The following OSBPL6 variants were observed in gnomAD, a reference collection of about 807,000 sequenced individuals.
OSBPL6 encodes the protein oxysterol binding protein like 6.
A neutral mutation model predicts 125.8 loss-of-function variants in OSBPL6; 49 were observed. The observed-to-expected ratio is 0.39, with a 90% CI of 0.31 to 0.49. The LOEUF (loss-of-function observed/expected upper bound fraction) is 0.49, where lower values mean the gene tolerates loss of function less well. OSBPL6 is among the 20% of genes least tolerant of loss of function. The probability of loss-of-function intolerance (pLI) is 0.88; values close to 1 mark genes in which losing one functional copy is unlikely to be tolerated. For missense variants in OSBPL6, 986 were observed against 1,135.4 expected (o/e 0.87, Z 1.89); for synonymous variants, 394 against 391.8 (o/e 1.01, Z -0.07).
chr2:178,254,237 C>G (rs940876469), intron 1 of OSBPL6, among the ~76,000 whole-genome samples: 3 of 151,878 alleles, frequency 2.0e-5, no homozygotes, highest in Non-Finnish European at 2.9e-5. Context: ...ACTAAAAATA[C>G]AAAAAATTAG....
intron 1 of OSBPL6, among the ~76,000 whole-genome samples, chr2:178,210,823 A>ACACAC (rs1553519679): frequency 4.8e-5 from 7 of 145,438 alleles, no homozygotes; most frequent in African/African-American, 1.8e-4. Context: ...AAAAAAAAAA[A>ACACAC]ACACACACAC....
intron 1 of OSBPL6, among the ~76,000 whole-genome samples, chr2:178,268,546 T>C (rs771871874): frequency 9.2e-5 from 14 of 152,224 alleles, no homozygotes; most frequent in Non-Finnish European, 1.5e-4. Context: ...CTTCAGTCCA[T>C]ACTCCCCTTG....
chr2:178,275,344 T>A (rs2092448547), intron 1 of OSBPL6, among the ~76,000 whole-genome samples: 2 of 152,038 alleles, frequency 1.3e-5, no homozygotes, highest in African/African-American at 4.8e-5. Context: ...AAACCCCGTC[T>A]CTACTAAAAC....
chr2:178,372,170 A>T lies in OSBPL6; in HGVS notation c.1332A>T (p.Ile444=), dbSNP rs754649096. Reference sequence around the variant, plus strand: ...AACTAAGGAGTCGGTTGAACAGAATACATTCAGAGTCTATTATTTGTGATC... The same window carrying T: ...AACTAAGGAGTCGGTTGAACAGAATTCATTCAGAGTCTATTATTTGTGATC... The part of the protein sequence containing the change: ...NAELRSRLNR[I]HSESIICDQV... The change falls in exon 14 of 25, where the codon ATA becomes ATT. Residue 444 remains isoleucine, a synonymous_variant. Coordinates refer to ENST00000190611, the MANE Select transcript of OSBPL6 (RefSeq NM_032523.4). 3.1e-6 allele frequency: 5 copies of T among 1,613,382 alleles called. No individual in the cohort carries two copies.
intron 1 of OSBPL6, among the ~76,000 whole-genome samples, chr2:178,222,675 T>C (rs937778931): frequency 1.3e-5 from 2 of 152,016 alleles, no homozygotes; most frequent in African/African-American, 4.8e-5. Flanking sequence ...AAACAGAATC[T>C]TGGTATGCAT....
rs535853984 is a variant in OSBPL6, at chr2:178,300,332, G to A, written c.-155-5698G>A. Among the ~76,000 whole-genome samples the A allele has an allele frequency of 1.3e-4, 20 of 152,326 alleles. No homozygotes were observed. The South Asian group carries it at 4.1e-3, about 32-fold the overall frequency. ...GGATCACTCCATTATTCCTTTGCTTGGGACTGTGGACACACATTCTTCTTA... is the reference window on the plus strand; with the variant it reads ...GGATCACTCCATTATTCCTTTGCTTAGGACTGTGGACACACATTCTTCTTA... On this transcript the variant is annotated intron_variant, in intron 2 of 24. Transcript: ENST00000190611.
At chr2:178,362,949 C>T (rs1692487796) in intron 13 of OSBPL6, among the ~76,000 whole-genome samples, 1 of 152,178 alleles carries the variant, frequency 6.6e-6, no homozygotes, top group Non-Finnish European at 1.5e-5. Context: ...CTGGACCCTT[C>T]TCATGTCATG....
chr2:178,253,140 G>A (rs2091759058), intron 1 of OSBPL6, among the ~76,000 whole-genome samples: 1 of 152,026 alleles, frequency 6.6e-6, no homozygotes, highest in Non-Finnish European at 1.5e-5. Context: ...TCCTGCCTCG[G>A]CCTCCTGAGT....
At chr2:178,203,468 C>T (rs1056978943) in intron 1 of OSBPL6, among the ~76,000 whole-genome samples, 1 of 152,194 alleles carries the variant, frequency 6.6e-6, no homozygotes, top group Non-Finnish European at 1.5e-5. Context: ...AAAATATCTC[C>T]GTATCTCTAC....
intron 2 of OSBPL6, among the ~76,000 whole-genome samples, chr2:178,291,712 C>CCTTCCTTCTTT (rs1559209266): frequency 4.5e-5 from 4 of 88,450 alleles, no homozygotes; most frequent in African/African-American, 1.5e-4. Context: ...CTTCTTTCCT[C>CCTTCCTTCTTT]CCTCCCTCCC....
At chr2:178,380,089 A>G (rs1390234886) in intron 15 of OSBPL6, among the ~76,000 whole-genome samples, 1 of 152,208 alleles carries the variant, frequency 6.6e-6, no homozygotes, top group Non-Finnish European at 1.5e-5. Context: ...TGTAATCTAT[A>G]TGTCAAACTG....
intron 12 of OSBPL6, among the ~76,000 whole-genome samples, chr2:178,355,432 A>G (rs941640275): frequency 6.6e-6 from 1 of 152,188 alleles, no homozygotes; most frequent in Non-Finnish European, 1.5e-5. Flanking sequence ...CAGAAATACA[A>G]ACTGCCATCA....
intron 8 of OSBPL6, among the ~76,000 whole-genome samples, chr2:178,334,725 T>C (rs1477014646): frequency 2.6e-5 from 4 of 152,192 alleles, no homozygotes; most frequent in Admixed American, 2.0e-4. Context: ...TTTCGCCATG[T>C]TGGCCATGCT....
chr2:178,387,067 G>A lies in OSBPL6; in HGVS notation c.2084G>A (p.Arg695Lys), dbSNP rs1425132741. 2 of 1,602,186 alleles carry A rather than the reference G, an allele frequency of 1.2e-6. No homozygotes were observed. The highest frequency in any genetic ancestry group is 2.2e-5 in the East Asian group (1 of 44,760). Residue 695 changes from arginine to lysine, a missense_variant, in exon 20 of 25, where the codon AGA becomes AAA. Coordinates refer to ENST00000190611, the MANE Select transcript of OSBPL6 (RefSeq NM_032523.4). ...CTCTCCCTATGTCATTTAGATATCA[G>A]ATGGAAAAACAAGTTCTGGGGGAAG... Reference protein sequence around the residue: ...SKNFVFWQDIRWKNKFWGKSM... With the variant: ...SKNFVFWQDIKWKNKFWGKSM...
chr2:178,243,739 C>T (rs527647769), intron 1 of OSBPL6, among the ~76,000 whole-genome samples: 125 of 152,272 alleles, frequency 8.2e-4, no homozygotes, highest in African/African-American at 2.6e-3. Flanking sequence ...CTGCAATCTC[C>T]GCCTCCAGGT....
At chr2:178,222,813 C>T (rs2090398628) in intron 1 of OSBPL6, among the ~76,000 whole-genome samples, 1 of 152,018 alleles carries the variant, frequency 6.6e-6, no homozygotes, top group East Asian at 1.9e-4. Context: ...ATAAATGATC[C>T]CACTATCCAG....
intron 5 of OSBPL6, among the ~76,000 whole-genome samples, chr2:178,331,258 A>G (rs1302327972): frequency 6.6e-6 from 1 of 152,140 alleles, no homozygotes; most frequent in East Asian, 1.9e-4. Context: ...CATTCAGGGG[A>G]TTGTAGCTTC....
At chr2:178,352,284 G>A (rs573109420) in intron 12 of OSBPL6, among the ~76,000 whole-genome samples, 39 of 152,248 alleles carry the variant, frequency 2.6e-4, no homozygotes, top group African/African-American at 7.0e-4. Flanking sequence ...AGGGCAGGGC[G>A]TTACCTCTCC....
At chr2:178,211,115 T>A (rs1307925860) in intron 1 of OSBPL6, among the ~76,000 whole-genome samples, 2 of 151,808 alleles carry the variant, frequency 1.3e-5, no homozygotes, top group Admixed American at 1.3e-4. Flanking sequence ...CTAAAAAAAT[T>A]AAAAACTTAG....
Sources: allele counts gnomAD v4.1 joint callset (sites outside exome capture counted in the v4.1 genomes callset), GRCh38; gene constraint gnomAD v4.1.1; transcripts MANE v1.5; gene names NCBI Gene and HGNC (gene_info 2026-07-23, HGNC 2026-07-21).